PPP2R2C: variants seen among roughly 807,000 people sequenced by gnomAD.
PPP2R2C encodes protein phosphatase 2, regulatory subunit B, gamma.
A neutral mutation model predicts 45.3 loss-of-function variants in PPP2R2C; 10 were observed. The observed-to-expected ratio is 0.22, with a 90% CI of 0.14 to 0.37. The LOEUF (loss-of-function observed/expected upper bound fraction) is 0.37. PPP2R2C is among the 10% of genes least tolerant of loss of function. PPP2R2C has a pLI of 1.00. For synonymous variants in PPP2R2C, 257 were observed against 245.4 expected (o/e 1.05, Z -0.44); for missense variants, 308 against 619.7 (o/e 0.50, Z 5.34).
Position 6,511,381 on chromosome 4 carries a change from GTGGTGA to G in PPP2R2C, c.49+23884_49+23889del, listed in dbSNP as rs1157183078. ...GGTAATGGTGGTGGTGGCGGTGATG[GTGGTGA>G]TGGTGATGGTGGTGATGGTGGTGGT... On this transcript the variant is annotated intron_variant, in intron 2 of 9. Transcript: ENST00000506140. Among the ~76,000 whole-genome samples the G allele has an allele frequency of 1.0e-3, 150 of 148,576 alleles. No homozygotes were observed. The East Asian group carries it at 0.011, about 11-fold the overall frequency.
At chr4:6,427,447 T>C (rs1719390973) in intron 1 of PPP2R2C, among the ~76,000 whole-genome samples, 1 of 152,128 alleles carries the variant, frequency 6.6e-6, no homozygotes, top group South Asian at 2.1e-4. Flanking sequence ...AACATCCTAC[T>C]CTCAGCTCCC....
intron 6 of PPP2R2C, among the ~76,000 whole-genome samples, chr4:6,343,756 T>C (rs1158262909): frequency 6.6e-6 from 1 of 152,174 alleles, no homozygotes; most frequent in Non-Finnish European, 1.5e-5. Context: ...CAAATAGATT[T>C]GCACACAAGT....
At chr4:6,365,168 C>A (rs1714176335) in intron 5 of PPP2R2C, among the ~76,000 whole-genome samples, 1 of 152,154 alleles carries the variant, frequency 6.6e-6, no homozygotes, top group Non-Finnish European at 1.5e-5. Context: ...GTCCAATGCT[C>A]AACACAGAGA....
At position 6,472,405 on chromosome 4, in the gene PPP2R2C, C is replaced by CGGG; in HGVS notation, c.-177_-176insCCC. 2 of 867,566 alleles carry CGGG rather than the reference C, an allele frequency of 2.3e-6. No individual in the cohort carries two copies. Among genetic ancestry groups the CGGG allele is most frequent in the Non-Finnish European group, 2.8e-6 (2 of 724,278 alleles). 53.7% of individuals were successfully genotyped at this position (867,566 alleles called of 1,614,324 possible). ...ACGGGCGGGGGCGGCCGGGGGCGGG[C>CGGG]GCCGCGGTCAAGCGAGCGCGCGGTG... On this transcript the variant is annotated 5_prime_UTR_variant, in exon 1 of 9. Coordinates refer to ENST00000382599, the MANE Select transcript of PPP2R2C (RefSeq NM_020416.4).
chr4:6,426,508 C>T (rs73206186), intron 1 of PPP2R2C, among the ~76,000 whole-genome samples: 2,847 of 152,260 alleles, frequency 0.019, 26 homozygotes, highest in Non-Finnish European at 0.028. Context: ...GCCACTCGGT[C>T]GGTGCAGGGA....
intron 6 of PPP2R2C, among the ~76,000 whole-genome samples, chr4:6,335,268 CA>C (rs1458321563): frequency 6.6e-6 from 1 of 152,182 alleles, no homozygotes; most frequent in Non-Finnish European, 1.5e-5. Context: ...GAGGAAGAGC[CA>C]GCAGGCAGAT....
At chr4:6,352,627 T>G (rs1712676183) in intron 5 of PPP2R2C, among the ~76,000 whole-genome samples, 1 of 152,126 alleles carries the variant, frequency 6.6e-6, no homozygotes, top group Non-Finnish European at 1.5e-5. Flanking sequence ...CAGACACAGG[T>G]AGGAATTCCA....
At chr4:6,391,471 G>C (rs867689433) in intron 1 of PPP2R2C, among the ~76,000 whole-genome samples, 26 of 152,226 alleles carry the variant, frequency 1.7e-4, no homozygotes, top group African/African-American at 5.8e-4. Flanking sequence ...CCTCCCCTGA[G>C]CTTGGTTTAT....
intron 8 of PPP2R2C, 27 bp from the exon 9 acceptor site, chr4:6,323,620 TGAG>T (rs1731705193): frequency 1.3e-6 from 2 of 1,518,450 alleles, no homozygotes; most frequent in East Asian, 4.6e-5. Context: ...AGGCATCAGG[TGAG>T]GAGGAGCACA....
intron 1 of PPP2R2C, among the ~76,000 whole-genome samples, chr4:6,429,750 C>CA (rs1719517686): frequency 6.6e-6 from 1 of 152,170 alleles, no homozygotes; most frequent in Admixed American, 6.5e-5. Flanking sequence ...ACCATGGCAT[C>CA]AATTCTTGGT....
intron 2 of PPP2R2C, among the ~76,000 whole-genome samples, chr4:6,498,400 ACGGAT>A (rs1283018104): frequency 6.6e-6 from 1 of 152,222 alleles, no homozygotes; most frequent in Non-Finnish European, 1.5e-5. Context: ...AATGCTAAGC[ACGGAT>A]CCACAGATGC....
At chr4:6,411,519 A>G (rs16838760) in intron 1 of PPP2R2C, among the ~76,000 whole-genome samples, 2,844 of 150,468 alleles carry the variant, frequency 0.019, 88 homozygotes, top group African/African-American at 0.065. Context: ...TAAGTTCTCT[A>G]ATTTGTGTCT....
At chr4:6,538,885 T>C (rs1272001967) in intron 1 of PPP2R2C, among the ~76,000 whole-genome samples, 1 of 152,184 alleles carries the variant, frequency 6.6e-6, no homozygotes, top group East Asian at 1.9e-4. Context: ...TGTTTCCCGG[T>C]ACCTGCTCAG....
upstream of PPP2R2C, among the ~76,000 whole-genome samples, chr4:6,473,450 C>T (rs1002023843): frequency 6.6e-6 from 1 of 152,180 alleles, no homozygotes; most frequent in Admixed American, 6.5e-5. Flanking sequence ...TCACAGTCCC[C>T]TGCACGGGAC....
chr4:6,508,668 G>A (rs535577932), intron 2 of PPP2R2C, among the ~76,000 whole-genome samples: 3 of 152,278 alleles, frequency 2.0e-5, no homozygotes, highest in African/African-American at 7.2e-5. Flanking sequence ...TGAGTTGGGC[G>A]AGTGGGCTCA....
At position 6,401,973 on chromosome 4, in the gene PPP2R2C, C is replaced by T. The variant is rs528803866; in HGVS notation, c.71-20879G>A. On this transcript the variant is annotated intron_variant, in intron 1 of 8. Transcript: ENST00000382599. ...GCGCAAATCCTGGCTCTGTCACTCA[C>T]GCACTGTGTGACTTTGGGCCAGTTG... Among the ~76,000 whole-genome samples, 14 of 152,308 alleles carry T rather than the reference C, an allele frequency of 9.2e-5. No homozygotes were observed. The East Asian group carries it at 1.7e-3, about 19-fold the overall frequency.
intron 5 of PPP2R2C, 111 bp downstream of exon 5, chr4:6,372,412 A>T: frequency 1.7e-6 from 2 of 1,202,538 alleles, no homozygotes; most frequent in Non-Finnish European, 2.4e-6. Flanking sequence ...TGAAGAAGTT[A>T]AACAATGCAG....
intron 1 of PPP2R2C, among the ~76,000 whole-genome samples, chr4:6,469,644 TGA>T (rs1721761556): frequency 6.6e-6 from 1 of 152,182 alleles, no homozygotes; most frequent in African/African-American, 2.4e-5. Context: ...AAAGGGAAAG[TGA>T]AGCTCAGGAA....
At chr4:6,415,550 A>G (rs1265378184) in intron 1 of PPP2R2C, among the ~76,000 whole-genome samples, 1 of 152,174 alleles carries the variant, frequency 6.6e-6, no homozygotes, top group African/African-American at 2.4e-5. Context: ...TGAGGGGGGC[A>G]CGGTCACTCA....
Sources: gnomAD v4.1 joint callset for allele counts (sites outside exome capture counted in the v4.1 genomes callset) on GRCh38, gnomAD v4.1.1 for gene constraint, MANE v1.5 for transcripts, NCBI Gene and HGNC (gene_info 2026-07-23, HGNC 2026-07-21) for gene names.